The following SUPT6H variants were observed in gnomAD, a reference collection of about 807,000 sequenced individuals.
SUPT6H encodes the protein SPT6 homolog, histone chaperone and transcription elongation factor.
SUPT6H carries 11 observed loss-of-function variants against 222.3 expected under a neutral mutation model. The ratio of observed to expected loss-of-function variants is 0.05; its 90% confidence interval spans 0.03 to 0.08. The LOEUF (loss-of-function observed/expected upper bound fraction) is 0.08. Ranked by LOEUF, SUPT6H falls within the 10% of genes least tolerant of loss-of-function variation. The pLI, the probability that SUPT6H is intolerant of heterozygous loss-of-function variation, is 1.00. For missense variants in SUPT6H, 1,422 were observed against 2,216.0 expected, an observed-to-expected ratio of 0.64 and a Z score of 7.19; for synonymous variants, 762 against 801.2, an observed-to-expected ratio of 0.95 and a Z score of 0.83.
chr17:28,677,042 A>G (rs1228335808), intron 7 of SUPT6H, among the ~76,000 whole-genome samples: 1 of 152,108 alleles, frequency 6.6e-6, no homozygotes, highest in Non-Finnish European at 1.5e-5. Flanking sequence ...CAGCCTGGCC[A>G]ACATTGTGAA....
At chr17:28,690,002 G>A (rs1159285645) in intron 25 of SUPT6H, 80 bp from the exon 26 acceptor site, 3 of 1,523,266 alleles carry the variant, frequency 2.0e-6, no homozygotes, top group Non-Finnish European at 1.8e-6. Context: ...ATCTGGAGAG[G>A]CCCGCCCCTT....
In SUPT6H at chr17:28,701,070, T is replaced by C. The variant is rs1270803653; in HGVS notation, c.4936T>C (p.Ser1646Pro). ...HQLQASTTPQ[S>P]AQAQPQPSSS... ...GCTCCAGGCCAGCACCACCCCACAG[T>C]CGGCCCAGGCCCAGCCCCAGCCCTC... is the stretch of plus-strand genomic sequence containing the variant. The change falls in exon 36 of 37, where the codon TCG (serine) becomes CCG (proline). Residue 1646 changes from serine to proline, a missense_variant. Coordinates refer to ENST00000314616, the MANE Select transcript of SUPT6H (RefSeq NM_003170.5). The C allele has an allele frequency of 6.2e-7, 1 of 1,613,628 alleles. No individual in the cohort carries two copies. Among genetic ancestry groups the C allele is most frequent in the African/African-American group, 1.3e-5 (1 of 74,864 alleles).
Position 28,697,948 on chromosome 17 carries a change from A to C in SUPT6H, c.4366A>C (p.Thr1456Pro), listed in dbSNP as rs2031993828. Reference sequence around the variant, plus strand: ...CATCAAAACTAAGAAGGAGAAGCCCACCTTCATCCCTTATTTCATCTGTGC... The same window carrying C: ...CATCAAAACTAAGAAGGAGAAGCCCCCCTTCATCCCTTATTTCATCTGTGC... ...LLIKTKKEKPTFIPYFICACK... is the reference protein window; with the variant it reads ...LLIKTKKEKPPFIPYFICACK... Residue 1456 changes from threonine (T) to proline (P), a missense_variant, in exon 32 of 37, where the codon ACC (threonine) becomes CCC (proline). Physicochemically the swap from Thr to Pro is conservative, Grantham distance 38. Around this residue, in one of 13 missense-constraint regions of SUPT6H, gnomAD observed 395 missense variants for 580.6 expected, o/e 0.68. Coordinates refer to ENST00000314616, the MANE Select transcript of SUPT6H (RefSeq NM_003170.5). 6.2e-6 allele frequency: 10 copies of C among 1,614,102 alleles called. No homozygotes were observed. Among genetic ancestry groups the C allele is most frequent in the Non-Finnish European group, 8.5e-6 (10 of 1,180,026 alleles).
Position 28,689,478 on chromosome 17 carries a change from G to A in SUPT6H, c.3259G>A (p.Gly1087Arg). Residue 1087 changes from glycine to arginine, a missense_variant, in exon 25 of 37, where the codon GGA becomes AGA. This residue lies in a region of SUPT6H where 16 missense variants were observed against 88.5 expected (regional missense o/e 0.18). Coordinates refer to ENST00000314616, the MANE Select transcript of SUPT6H (RefSeq NM_003170.5). The part of the protein sequence containing the change: ...DESAEDANPA[G>R]ALEEILENPE... ...ATCAGCCGAGGATGCCAATCCTGCAGGAGCCCTTGAAGAAATCTTGGAAAA... is the reference window on the plus strand; with the variant it reads ...ATCAGCCGAGGATGCCAATCCTGCAAGAGCCCTTGAAGAAATCTTGGAAAA... 6.2e-7 allele frequency: 1 copy of A among 1,614,192 alleles called. No individual in the cohort carries two copies. The highest frequency in any genetic ancestry group is 8.5e-7 in the Non-Finnish European group (1 of 1,180,032).
Position 28,687,156 on chromosome 17 carries a change from T to C in SUPT6H, c.2769T>C (p.Pro923=). 6.2e-7 allele frequency: 1 copy of C among 1,614,124 alleles called. No homozygotes were observed. The highest frequency in any genetic ancestry group is 8.5e-7 in the Non-Finnish European group (1 of 1,180,034). The change falls in exon 22 of 37, where the codon CCT becomes CCC. Residue 923 remains proline (P), a synonymous_variant. Transcript: ENST00000314616. ...CCCTGGCCCGGCGCATCCAGGACCC[T>C]CTGATTGAATTTGCCCAGGTGTGCA... ...AVSLARRIQD[P]LIEFAQVCSS...
chr17:28,674,849 G>A (rs1269986283), intron 4 of SUPT6H, 121 bp from the exon 5 acceptor site: 4 of 1,266,580 alleles, frequency 3.2e-6, no homozygotes, highest in Non-Finnish European at 4.4e-6. Flanking sequence ...CACTCGGCAT[G>A]TTCTTTCCCA....
At chr17:28,683,945 C>G (rs1273664670) in intron 17 of SUPT6H, 129 bp downstream of exon 17, 2 of 754,306 alleles carry the variant, frequency 2.7e-6, no homozygotes, top group Non-Finnish European at 3.9e-6. Flanking sequence ...ATGCCATTCT[C>G]CTGCCTCAGC....
At chr17:28,681,190 T>G in intron 11 of SUPT6H, 66 bp from the exon 12 acceptor site, 1 of 1,592,548 alleles carries the variant, frequency 6.3e-7, no homozygotes, top group Non-Finnish European at 8.6e-7. Flanking sequence ...TTGGACCTCT[T>G]GTAGCCAAAT....
At position 28,690,243 on chromosome 17, in the gene SUPT6H, T is replaced by C; in HGVS notation, c.3490+14T>C. On this transcript the variant is annotated intron_variant, in intron 26 of 36. Transcript: ENST00000314616. ...CCTTCTACATTGGTAAATTCTGGGG[T>C]CATTTTTTTATTGGGGGCAGGAGGT... 6.2e-7 allele frequency: 1 copy of C among 1,612,228 alleles called. No homozygotes were observed. Among genetic ancestry groups the C allele is most frequent in the Non-Finnish European group, 8.5e-7 (1 of 1,179,102 alleles).
chr17:28,681,879 C>T lies in SUPT6H; in HGVS notation c.1499-3C>T. On this transcript the variant is annotated splice_region_variant and splice_polypyrimidine_tract_variant and intron_variant, in intron 12 of 36. Coordinates refer to ENST00000314616, the MANE Select transcript of SUPT6H (RefSeq NM_003170.5). The stretch of plus-strand genomic sequence containing the variant: ...CCTAAATCTCCCCATGTTTTCTTCC[C>T]AGGTGAAGGTGACGAGGCAGAAGAT... 6.2e-7 allele frequency: 1 copy of T among 1,605,996 alleles called. No individual in the cohort carries two copies. The highest frequency in any genetic ancestry group is 8.5e-7 in the Non-Finnish European group (1 of 1,177,336).
intron 32 of SUPT6H, among the ~76,000 whole-genome samples, 184 bp downstream of exon 32, chr17:28,698,214 G>A (rs1171962466): frequency 6.6e-6 from 1 of 152,204 alleles, no homozygotes; most frequent in African/African-American, 2.4e-5. Context: ...AAAAAGGCAA[G>A]GATTCACATA....
chr17:28,690,684 G>A (rs2031598138), intron 26 of SUPT6H, among the ~76,000 whole-genome samples: 1 of 152,190 alleles, frequency 6.6e-6, no homozygotes, highest in Non-Finnish European at 1.5e-5. Flanking sequence ...TGAGGCAGGA[G>A]GATTCCTTGA....
chr17:28,667,477 A>C (rs1015164192), intron 1 of SUPT6H, among the ~76,000 whole-genome samples: 1 of 134,842 alleles, frequency 7.4e-6, no homozygotes, highest in Admixed American at 7.7e-5. Context: ...ATGTGTATAT[A>C]TGTGTGTGTA....
intron 17 of SUPT6H, 95 bp downstream of exon 17, chr17:28,683,911 C>T (rs1451755182): frequency 1.2e-5 from 14 of 1,168,010 alleles, no homozygotes; most frequent in Middle Eastern, 3.0e-4. Context: ...TCTTGGCTCA[C>T]TGCAAGCTCT....
At chr17:28,673,080 G>A (rs1248542276) in intron 1 of SUPT6H, among the ~76,000 whole-genome samples, 1 of 151,800 alleles carries the variant, frequency 6.6e-6, no homozygotes, top group African/African-American at 2.4e-5. Flanking sequence ...GAACCCAGGA[G>A]GTGGAGGTTG....
chr17:28,665,403 G>A (rs760076110), intron 1 of SUPT6H, among the ~76,000 whole-genome samples: 10 of 152,084 alleles, frequency 6.6e-5, no homozygotes, highest in Non-Finnish European at 1.0e-4. Flanking sequence ...ACCAGAATAC[G>A]GGCATCCTAG....
In SUPT6H at chr17:28,684,707, T is replaced by C. The variant is rs763991773; in HGVS notation, c.2351T>C (p.Ile784Thr). 1 of 1,614,248 alleles carries C rather than the reference T, an allele frequency of 6.2e-7. No homozygotes were observed. Among genetic ancestry groups the C allele is most frequent in the South Asian group, 1.1e-5 (1 of 91,082 alleles). Residue 784 changes from isoleucine (I) to threonine (T), a missense_variant, in exon 18 of 37, where the codon ATT becomes ACT. Physicochemically the swap from Ile to Thr is moderately conservative, Grantham distance 89 (BLOSUM62 -1). Transcript: ENST00000314616. ...GGGAAGGGCATTCGAGTCCTCGGCA[T>C]TGCTTTCTCCTCTGCCAGGTAACAG... ...NQGKGIRVLG[I>T]AFSSARDHPV... is the part of the protein sequence containing the mutation.
chr17:28,684,401 C>T (rs1393737606), intron 17 of SUPT6H, among the ~76,000 whole-genome samples, 185 bp from the exon 18 acceptor site: 1 of 152,206 alleles, frequency 6.6e-6, no homozygotes, highest in Non-Finnish European at 1.5e-5. Flanking sequence ...TCTCTGTATA[C>T]ACTCCTGTTT....
At chr17:28,679,669 T>C (rs1344169147) in intron 11 of SUPT6H, among the ~76,000 whole-genome samples, 1 of 151,052 alleles carries the variant, frequency 6.6e-6, no homozygotes, top group Non-Finnish European at 1.5e-5. Flanking sequence ...CATGAGCCAC[T>C]GCGCCCGGCC....
Sources: gnomAD v4.1 joint callset for allele counts (sites outside exome capture counted in the v4.1 genomes callset) on GRCh38, gnomAD v4.1.1 for gene constraint, gnomAD v4.1.1 regional missense constraint, MANE v1.5 for transcripts, NCBI Gene and HGNC (gene_info 2026-07-23, HGNC 2026-07-21) for gene names.